CELF1: variants seen among roughly 807,000 people sequenced by gnomAD.
CELF1 encodes 50 kDa nuclear polyadenylated RNA-binding protein.
A neutral mutation model predicts 61.8 loss-of-function variants in CELF1; 10 were observed. That is an observed-to-expected ratio of 0.16 (90% CI 0.10 to 0.27). The LOEUF (loss-of-function observed/expected upper bound fraction) is 0.27. CELF1 is among the 10% of genes least tolerant of loss of function. The pLI is 1.00. For synonymous variants in CELF1, 236 were observed against 225.1 expected, an observed-to-expected ratio of 1.05 and a Z score of -0.43; for missense variants, 380 against 639.1, an observed-to-expected ratio of 0.59 and a Z score of 4.37.
chr11:47,519,480 T>TAAAG (rs1284203333), intron 1 of CELF1, among the ~76,000 whole-genome samples: 1 of 16,544 alleles, frequency 6.0e-5, no homozygotes, highest in Non-Finnish European at 1.5e-4. Context: ...ACTCCATCTC[T>TAAAG]AAATAAATAA....
intron 1 of CELF1, among the ~76,000 whole-genome samples, chr11:47,541,948 C>A (rs1443765565): frequency 1.3e-5 from 2 of 151,936 alleles, no homozygotes; most frequent in African/African-American, 2.4e-5. Flanking sequence ...CATTCCCCCC[C>A]AAAACACAGT....
chr11:47,500,196 CT>C (rs796802801), intron 2 of CELF1, among the ~76,000 whole-genome samples: 146 of 146,058 alleles, frequency 1.0e-3, no homozygotes, highest in Middle Eastern at 3.6e-3. Context: ...ATCAGCCTTG[CT>C]TTTTTTTTTT....
chr11:47,553,149 T>G (rs2097186370), upstream of CELF1: 1 of 395,080 alleles, frequency 2.5e-6, no homozygotes, highest in Non-Finnish European at 4.5e-6. Flanking sequence ...ATGGCGGCAC[T>G]TCCGGCACCT....
intron 1 of CELF1, among the ~76,000 whole-genome samples, chr11:47,506,591 G>A (rs947872303): frequency 3.9e-5 from 6 of 152,198 alleles, no homozygotes; most frequent in African/African-American, 9.7e-5. Context: ...CACGCTCACC[G>A]CAACAGCTGT....
chr11:47,511,074 C>A (rs2095112404), intron 1 of CELF1, among the ~76,000 whole-genome samples: 1 of 152,016 alleles, frequency 6.6e-6, no homozygotes, highest in Admixed American at 6.5e-5. Context: ...GTAGTCCCAG[C>A]TACTTGGAAG....
intron 12 of CELF1, among the ~76,000 whole-genome samples, 198 bp downstream of exon 12, chr11:47,476,648 G>C (rs530065807): frequency 2.6e-5 from 4 of 152,068 alleles, no homozygotes; most frequent in African/African-American, 7.2e-5. Context: ...GAATGGTCTC[G>C]ATCTCCTGAC....
intron 3 of CELF1, among the ~76,000 whole-genome samples, chr11:47,498,960 T>C (rs1192171257): frequency 1.3e-5 from 2 of 152,106 alleles, no homozygotes; most frequent in African/African-American, 4.8e-5. Flanking sequence ...AGGTCCAGGA[T>C]TGCACTTTGT....
At chr11:47,505,999 T>C (rs2094463594) in intron 1 of CELF1, among the ~76,000 whole-genome samples, 1 of 150,730 alleles carries the variant, frequency 6.6e-6, no homozygotes, top group African/African-American at 2.4e-5. Flanking sequence ...AGTACGTGCA[T>C]GGAATCTACT....
At chr11:47,563,684 G>A (rs1013150802) in intron 2 of CELF1, among the ~76,000 whole-genome samples, 7 of 151,800 alleles carry the variant, frequency 4.6e-5, no homozygotes, top group Admixed American at 2.0e-4. Context: ...AGGAGACTCC[G>A]TCTCAAAAAC....
chr11:47,495,973 T>C, intron 3 of CELF1: 1 of 985,094 alleles, frequency 1.0e-6, no homozygotes. Context: ...CAGGCAAAAA[T>C]ACTTGTTGCA....
intron 1 of CELF1, among the ~76,000 whole-genome samples, chr11:47,551,742 G>T (rs930498175): frequency 3.9e-5 from 6 of 152,208 alleles, no homozygotes; most frequent in Non-Finnish European, 7.3e-5. Context: ...GGCGGGGGCG[G>T]TGGCTCACGC....
intron 3 of CELF1, chr11:47,495,899 G>T: frequency 2.7e-6 from 2 of 729,552 alleles, no homozygotes; most frequent in Non-Finnish European, 3.4e-6. Flanking sequence ...ATTACCTGTT[G>T]ACTTCCCTTT....
chr11:47,468,366 T>C lies in CELF1; in HGVS notation c.*3864A>G, dbSNP rs1415631277. On this transcript the variant is annotated 3_prime_UTR_variant, in exon 15 of 15. Coordinates refer to ENST00000687097, the MANE Select transcript of CELF1 (RefSeq NM_001376376.1). ...TGCGGTCTCCTCAAGCCCCACAGAC[T>C]GTATCAGCAAAATGTGCTCAGGAGC... The C allele has an allele frequency of 1.3e-5, 2 of 152,374 alleles. No individual in the cohort carries two copies. The highest frequency in any genetic ancestry group is 4.8e-5 in the African/African-American group (2 of 41,444). The allele number at this position is 152,374 out of a possible 1,614,324, so 9.4% of individuals were successfully genotyped here. A position where few individuals can be genotyped will look rare whatever the true frequency, so the allele number is the denominator to read the frequency against.
intron 1 of CELF1, among the ~76,000 whole-genome samples, chr11:47,507,098 C>A (rs2153581246): frequency 6.6e-6 from 1 of 152,266 alleles, no homozygotes; most frequent in Middle Eastern, 3.4e-3. Flanking sequence ...TTTTAAAACA[C>A]CATCAACTTA....
intron 1 of CELF1, among the ~76,000 whole-genome samples, chr11:47,533,589 C>G (rs1431484240): frequency 6.6e-6 from 1 of 152,096 alleles, no homozygotes; most frequent in Non-Finnish European, 1.5e-5. Context: ...CACCACCGCA[C>G]TCCAGCCTGG....
Position 47,502,918 on chromosome 11 carries a change from G to T in CELF1, c.-153-1986C>A, listed in dbSNP as rs575689733. On this transcript the variant is annotated intron_variant, in intron 1 of 14. Transcript: ENST00000687097. ...GTGACAGGAGGGGTTATAACCAAGG[G>T]TCTGCTGCAAAAGAAGGCCTTAACT... Among the ~76,000 whole-genome samples the T allele has an allele frequency of 3.3e-5, 5 of 152,252 alleles. No homozygotes were observed. The South Asian group carries it at 1.0e-3, about 32-fold the overall frequency.
intron 1 of CELF1, among the ~76,000 whole-genome samples, chr11:47,530,168 G>A (rs2096417048): frequency 6.6e-6 from 1 of 152,100 alleles, no homozygotes; most frequent in African/African-American, 2.4e-5. Context: ...CAATGTGGGC[G>A]ACAACATTAT....
chr11:47,489,338 A>G (rs977098177), intron 3 of CELF1, among the ~76,000 whole-genome samples: 1 of 152,170 alleles, frequency 6.6e-6, no homozygotes, highest in Non-Finnish European at 1.5e-5. Flanking sequence ...AAAACTCCCA[A>G]AACAAGATCA....
intron 1 of CELF1, among the ~76,000 whole-genome samples, chr11:47,527,706 G>A (rs1418397302): frequency 2.0e-5 from 3 of 152,178 alleles, no homozygotes; most frequent in African/African-American, 2.4e-5. Flanking sequence ...GCAGTTTACT[G>A]TGAATTAATA....
Sources: gnomAD v4.1 joint callset for allele counts (sites outside exome capture counted in the v4.1 genomes callset) on GRCh38, gnomAD v4.1.1 for gene constraint, MANE v1.5 for transcripts, NCBI Gene and HGNC (gene_info 2026-07-23, HGNC 2026-07-21) for gene names.